PCDHGA5: variants seen among roughly 807,000 people sequenced by gnomAD.
PCDHGA5 encodes the protein protocadherin gamma subfamily A, 5.
PCDHGA5 carries 36 observed loss-of-function variants against 56.7 expected under a neutral mutation model. The ratio of observed to expected loss-of-function variants is 0.64; its 90% CI spans 0.49 to 0.84. The LOEUF is 0.84. Among genes scored for constraint, PCDHGA5 ranks in the 40% least tolerant of loss-of-function variants. PCDHGA5 has a pLI of 0.00. For synonymous variants in PCDHGA5, 563 were observed against 520.2 expected (o/e 1.08, Z -1.12); for missense variants, 1,305 against 1,201.5 (o/e 1.09, Z -1.27).
intron 1 of PCDHGA5, chr5:141,424,478 G>A (rs953233220): frequency 3.3e-5 from 5 of 151,898 alleles, no homozygotes; most frequent in Admixed American, 6.6e-5. Context: ...CTTTTACTTT[G>A]GTGTCTGTGT....
At chr5:141,381,826 C>CTTTTTTTTTTTTT (rs770630741) in intron 1 of PCDHGA5, among the ~76,000 whole-genome samples, 10 of 74,294 alleles carry the variant, frequency 1.3e-4, no homozygotes, top group Non-Finnish European at 1.9e-4. Context: ...CTTTCTTCTT[C>CTTTTTTTTTTTTT]TTTTTTTTTT....
chr5:141,433,651 C>T (rs905489069), intron 1 of PCDHGA5, among the ~76,000 whole-genome samples: 3 of 152,064 alleles, frequency 2.0e-5, no homozygotes, highest in Non-Finnish European at 2.9e-5. Context: ...GCCTGACCAA[C>T]ATGGAGAAAC....
rs199952854 is a variant in PCDHGA5 at position 141,477,297 on chromosome 5, G to T, written c.2422-17510G>T. 4 of 1,614,176 alleles carry T rather than the reference G, an allele frequency of 2.5e-6. No individual in the cohort carries two copies. Among genetic ancestry groups the T allele is most frequent in the Non-Finnish European group, 3.4e-6 (4 of 1,180,040 alleles). On this transcript the variant is annotated intron_variant, in intron 1 of 3. Coordinates refer to ENST00000518069, the MANE Select transcript of PCDHGA5 (RefSeq NM_018918.3). The surrounding 1 kb of genome is among the most constrained non-coding windows in gnomAD (Gnocchi z 4.9). ...CTGGTGACCTGCGAAGTTCCACCGGGTCTCCCTTTCAGCCTTACTTCTTCC... is the reference window on the plus strand; with the variant it reads ...CTGGTGACCTGCGAAGTTCCACCGGTTCTCCCTTTCAGCCTTACTTCTTCC...
chr5:141,491,291 C>T lies in PCDHGA5; in HGVS notation c.2422-3516C>T. 1 of 1,614,152 alleles carries T rather than the reference C, an allele frequency of 6.2e-7. No homozygotes were observed. The highest frequency in any genetic ancestry group is 8.5e-7 in the Non-Finnish European group (1 of 1,179,974). On this transcript the variant is annotated intron_variant, in intron 1 of 3. Coordinates refer to ENST00000518069, the MANE Select transcript of PCDHGA5 (RefSeq NM_018918.3). This position sits in a 1 kb window ranked among gnomAD's most constrained non-coding sequence, Gnocchi z 6.9. The stretch of plus-strand genomic sequence containing the variant: ...AAATCCAGTGACTTCCTCATACACC[C>T]TCCTGAGCGTTCAGACCTTACCCTT...
At position 141,450,007 on chromosome 5, in the gene PCDHGA5, T is replaced by TA. The variant is rs57702245; in HGVS notation, c.2422-44800_2422-44799insA. Among the ~76,000 whole-genome samples the TA allele has an allele frequency of 5.9e-4, 19 of 31,956 alleles. No homozygotes were observed. In the African/African-American group the frequency reaches 7.8e-3, roughly 13 times the overall value. 21.0% of individuals were successfully genotyped at this position (31,956 alleles called of 152,430 possible). A position where few individuals can be genotyped will look rare whatever the true frequency, so the allele number is the denominator to read the frequency against. On this transcript the variant is annotated intron_variant, in intron 1 of 3. Coordinates refer to ENST00000518069, the MANE Select transcript of PCDHGA5 (RefSeq NM_018918.3). Reference sequence around the variant, plus strand: ...ACATTGCATTTAGTTGCCATGTCTCTTTTTTTTTTTTTTTTTTGAGACAGG... The same window carrying TA: ...ACATTGCATTTAGTTGCCATGTCTCTATTTTTTTTTTTTTTTTTGAGACAGG...
rs764055095 is a variant in PCDHGA5, at chr5:141,385,083, A to G, written c.2421+18332A>G. ...ACAAGTCACGCCTGCTGCAGGCTTC[A>G]GAAGGTGGCTTGGCGAACGTGCCCA... On this transcript the variant is annotated intron_variant, in intron 1 of 3. Coordinates refer to ENST00000518069, the MANE Select transcript of PCDHGA5 (RefSeq NM_018918.3). 18 of 1,614,084 alleles carry G rather than the reference A, an allele frequency of 1.1e-5. No homozygotes were observed. The Admixed American group carries it at 3.0e-4, about 27-fold the overall frequency.
chr5:141,416,523 C>G (rs2096035969), intron 1 of PCDHGA5: 1 of 152,064 alleles, frequency 6.6e-6, no homozygotes, highest in Admixed American at 6.6e-5. Flanking sequence ...TTCAGTGGCT[C>G]TTTAATGTAT....
chr5:141,509,442 T>C (rs1473514859), intron 3 of PCDHGA5, among the ~76,000 whole-genome samples: 3 of 152,008 alleles, frequency 2.0e-5, no homozygotes, highest in Non-Finnish European at 2.9e-5. Flanking sequence ...TGTTTCCTCC[T>C]CTCCCACCCC....
chr5:141,509,273 C>T (rs1026035086), intron 3 of PCDHGA5, among the ~76,000 whole-genome samples: 1 of 152,098 alleles, frequency 6.6e-6, no homozygotes, highest in Admixed American at 6.5e-5. Flanking sequence ...CTCTCGCTAC[C>T]CGCTCCCAGG....
chr5:141,463,886 C>T (rs1327677210), intron 1 of PCDHGA5, among the ~76,000 whole-genome samples: 3 of 152,118 alleles, frequency 2.0e-5, no homozygotes, highest in African/African-American at 4.8e-5. Flanking sequence ...AAAGTTTTCA[C>T]CTTGCTTTTT....
chr5:141,442,894 C>T (rs1173211061), intron 1 of PCDHGA5, among the ~76,000 whole-genome samples: 1 of 152,204 alleles, frequency 6.6e-6, no homozygotes, highest in Non-Finnish European at 1.5e-5. Flanking sequence ...CCCTGCTTAT[C>T]ACTTCTCCTT....
chr5:141,438,627 T>C (rs55817844), intron 1 of PCDHGA5, among the ~76,000 whole-genome samples: 510 of 47,978 alleles, frequency 0.011, 3 homozygotes, highest in Admixed American at 0.017. Context: ...TATATATATA[T>C]ATATATATAC....
chr5:141,493,962 T>C lies in PCDHGA5; in HGVS notation c.2422-845T>C, dbSNP rs550317675. 6.6e-6 allele frequency among the ~76,000 whole-genome samples: 1 copy of C among 152,320 alleles called. No homozygotes were observed. Among genetic ancestry groups the C allele is most frequent in the African/African-American group, 2.4e-5 (1 of 41,578 alleles). ...AGAAGGGACTCAGGAATGAAGTGGC[T>C]GGCCAGAGCCCCACACCTTCAGCTA... is the stretch of plus-strand genomic sequence containing the variant. On this transcript the variant is annotated intron_variant, in intron 1 of 3. Coordinates refer to ENST00000518069, the MANE Select transcript of PCDHGA5 (RefSeq NM_018918.3). This position sits in a 1 kb window ranked among gnomAD's most constrained non-coding sequence, Gnocchi z 4.3.
chr5:141,375,176 G>A (rs1430924979), intron 1 of PCDHGA5: 2 of 1,613,900 alleles, frequency 1.2e-6, no homozygotes, highest in African/African-American at 1.3e-5. Context: ...TCCAGGAACA[G>A]TAATCGCCCT....
At position 141,413,315 on chromosome 5, in the gene PCDHGA5, C is replaced by G. The variant is rs747758921; in HGVS notation, c.2421+46564C>G. The stretch of plus-strand genomic sequence containing the variant: ...ATTCCTGAGGAATTAGAGAAAGGCT[C>G]TTTCGTGGGCAACATCTCCAAGGAC... On this transcript the variant is annotated intron_variant, in intron 1 of 3. Transcript: ENST00000518069. 6 of 1,613,976 alleles carry G rather than the reference C, an allele frequency of 3.7e-6. No individual in the cohort carries two copies. The South Asian group carries it at 5.5e-5, about 15-fold the overall frequency.
intron 1 of PCDHGA5, among the ~76,000 whole-genome samples, chr5:141,438,002 A>G (rs200179547): frequency 1.3e-5 from 2 of 152,072 alleles, no homozygotes; most frequent in East Asian, 1.9e-4. Flanking sequence ...CAGCCTCCCA[A>G]ATAGCTGAGA....
rs777325229 is a variant in PCDHGA5, at chr5:141,403,135, G to A, written c.2421+36384G>A. On this transcript the variant is annotated intron_variant, in intron 1 of 3. Transcript: ENST00000518069. ...CTCTGGAGCCCCGGGAGCTGGCGGA[G>A]CGCCGAGTCCGCATCGTCTCTAGAG... 8 of 1,613,948 alleles carry A rather than the reference G, an allele frequency of 5.0e-6. No homozygotes were observed. The African/African-American group carries it at 8.0e-5, about 16-fold the overall frequency.
chr5:141,470,836 C>T lies in PCDHGA5; in HGVS notation c.2422-23971C>T, dbSNP rs577375498. On this transcript the variant is annotated intron_variant, in intron 1 of 3. Transcript: ENST00000518069. ...CTGAGTAGTTAGGACGACAAACACA[C>T]GCCACCATGCTCAGATAAGTTTTTT... 2.6e-5 allele frequency among the ~76,000 whole-genome samples: 4 copies of T among 152,176 alleles called. No homozygotes were observed. The East Asian group carries it at 5.8e-4, about 22-fold the overall frequency.
rs753724895 is a variant in PCDHGA5, at chr5:141,366,167, G to A, written c.1837G>A (p.Glu613Lys). 7 of 1,614,080 alleles carry A rather than the reference G, an allele frequency of 4.3e-6. No homozygotes were observed. In the Admixed American group the frequency reaches 6.7e-5, roughly 15 times the overall value. Residue 613 changes from glutamate to lysine, a missense_variant, in exon 1 of 4, where the codon GAG becomes AAG. Physicochemically the swap from Glu to Lys is moderately conservative, Grantham distance 56 (BLOSUM62 1). Transcript: ENST00000518069. ...GTCCTACCGCCTGCTTAAGGCCAGC[G>A]AGCCAGGACTCTTTGCGGTTGGGCT... ...WLSYRLLKAS[E>K]PGLFAVGLHT...
Sources: allele counts gnomAD v4.1 joint callset (sites outside exome capture counted in the v4.1 genomes callset), GRCh38; gene constraint gnomAD v4.1.1; non-coding constraint Gnocchi (gnomAD v3.1); transcripts MANE v1.5; gene names NCBI Gene and HGNC (gene_info 2026-07-23, HGNC 2026-07-21).